The following PMS1 variants were observed in gnomAD, a reference collection of about 807,000 sequenced individuals.
The protein encoded by PMS1 is PMS1 protein homolog 1.
A neutral mutation model predicts 93.1 loss-of-function variants in PMS1; 79 were observed. The ratio of observed to expected loss-of-function variants is 0.85; its 90% CI spans 0.71 to 1.02. The LOEUF is 1.02. Among genes scored for constraint, PMS1 ranks in the 50% least tolerant of loss-of-function variants. The pLI is 0.00. For synonymous variants in PMS1, 335 were observed against 363.4 expected, an observed-to-expected ratio of 0.92 and a Z score of 0.89; for missense variants, 1,064 against 1,085.3, an observed-to-expected ratio of 0.98 and a Z score of 0.28.
intron 10 of PMS1, among the ~76,000 whole-genome samples, chr2:189,867,239 A>G (rs2056745175): frequency 6.6e-6 from 1 of 152,170 alleles, no homozygotes. Flanking sequence ...GTTGATTTGT[A>G]CCCTAGGTGA....
chr2:189,875,320 G>T (rs1410467333), intron 12 of PMS1, among the ~76,000 whole-genome samples: 2 of 151,378 alleles, frequency 1.3e-5, no homozygotes, highest in African/African-American at 4.9e-5. Context: ...ACCACCTGTG[G>T]ATACTAAAAT....
chr2:189,805,754 G>T lies in PMS1; in HGVS notation c.418G>T (p.Gly140Cys). The change falls in exon 4 of 13, where the codon GGT (glycine) becomes TGT (cysteine). Residue 140 changes from glycine (G) to cysteine (C), a missense_variant and splice_region_variant. Transcript: ENST00000441310. ...LSQKPSHLGQGTTVTALRLFK... is the reference protein window; with the variant it reads ...LSQKPSHLGQCTTVTALRLFK... ...TCAGAAACCTTCACATCTTGGTCAA[G>T]GTAAGAAAGTAGCTTTGTATACAAA... The T allele has an allele frequency of 6.2e-7, 1 of 1,613,572 alleles. No homozygotes were observed.
rs1461439163 is a variant in PMS1 at position 189,791,948 on chromosome 2, G to C, written c.132+7G>C. 6.2e-7 allele frequency: 1 copy of C among 1,613,500 alleles called. No homozygotes were observed. Among genetic ancestry groups the C allele is most frequent in the South Asian group, 1.1e-5 (1 of 91,062 alleles). ...AAGCGTAGATGTTAAACTGGTGAGTGTCCTTGAGAACCCAAATACCTTTAA... is the reference window on the plus strand; with the variant it reads ...AAGCGTAGATGTTAAACTGGTGAGTCTCCTTGAGAACCCAAATACCTTTAA... On this transcript the variant is annotated splice_region_variant and intron_variant, in intron 2 of 12. Transcript: ENST00000441310.
Position 189,854,819 on chromosome 2 carries a change from A to G in PMS1, c.1547A>G (p.Lys516Arg), listed in dbSNP as rs1464158457. The G allele has an allele frequency of 1.2e-6, 2 of 1,612,874 alleles. No homozygotes were observed. Among genetic ancestry groups the G allele is most frequent in the Non-Finnish European group, 1.7e-6 (2 of 1,179,096 alleles). Residue 516 changes from lysine to arginine, a missense_variant, in exon 9 of 13, where the codon AAA becomes AGA. By Grantham distance (26) the Lys-to-Arg change is conservative. Coordinates refer to ENST00000441310, the MANE Select transcript of PMS1 (RefSeq NM_000534.5). The part of the protein sequence containing the change: ...NSVGENIEPV[K>R]ILVPEKSLPC... ...GTGGGAGAGAATATTGAACCTGTGA[A>G]AATTTTAGTGCCTGAAAAAAGTTTA... is the stretch of plus-strand genomic sequence containing the variant.
chr2:189,852,728 G>C lies in PMS1; in HGVS notation c.773G>C (p.Ser258Thr), dbSNP rs2106449816. Residue 258 changes from serine (S) to threonine (T), a missense_variant, in exon 7 of 13, where the codon AGT (serine) becomes ACT (threonine). Coordinates refer to ENST00000441310, the MANE Select transcript of PMS1 (RefSeq NM_000534.5). ...SFTSLSTPER[S>T]FIFINSRPVH... ...ACTAGTCTTTCAACACCAGAAAGAA[G>C]TTTCATCTTCATAAACAGTCGACCA... The C allele has an allele frequency of 6.3e-7, 1 of 1,591,854 alleles. No individual in the cohort carries two copies. The highest frequency in any genetic ancestry group is 1.1e-5 in the South Asian group (1 of 90,644).
At chr2:189,873,887 T>C (rs1236521028) in intron 12 of PMS1, among the ~76,000 whole-genome samples, 1 of 152,112 alleles carries the variant, frequency 6.6e-6, no homozygotes, top group Non-Finnish European at 1.5e-5. Context: ...TGTGGAACAA[T>C]TTCCTGAAAC....
chr2:189,864,344 T>C (rs778929786), intron 10 of PMS1, 116 bp downstream of exon 10: 7 of 823,086 alleles, frequency 8.5e-6, no homozygotes, highest in Non-Finnish European at 1.4e-5. Flanking sequence ...GTGGTATTTA[T>C]TTATTTTAAT....
At chr2:189,787,468 A>C (rs1199294781) in intron 1 of PMS1, among the ~76,000 whole-genome samples, 1 of 152,256 alleles carries the variant, frequency 6.6e-6, no homozygotes, top group Non-Finnish European at 1.5e-5. Flanking sequence ...ACAAAGATGT[A>C]GTAGGTTTAA....
intron 6 of PMS1, among the ~76,000 whole-genome samples, chr2:189,845,017 C>A (rs1322545654): frequency 6.6e-6 from 1 of 151,932 alleles, no homozygotes; most frequent in African/African-American, 2.4e-5. Flanking sequence ...GCCACCACAC[C>A]CAGCTAATTT....
At chr2:189,825,644 A>C (rs1317924121) in intron 5 of PMS1, among the ~76,000 whole-genome samples, 1 of 152,132 alleles carries the variant, frequency 6.6e-6, no homozygotes, top group African/African-American at 2.4e-5. Context: ...TGGTTTTAAG[A>C]ATTGTTTTGA....
intron 6 of PMS1, 43 bp downstream of exon 6, chr2:189,844,123 G>A: frequency 6.2e-7 from 1 of 1,610,190 alleles, no homozygotes; most frequent in Non-Finnish European, 8.5e-7. Flanking sequence ...ATTTACTCAT[G>A]AAGCTGTTCA....
At position 189,795,489 on chromosome 2, in the gene PMS1, T is replaced by C. The variant is rs991007542; in HGVS notation, c.133-280T>C. 3.3e-5 allele frequency among the ~76,000 whole-genome samples: 5 copies of C among 152,166 alleles called. No individual in the cohort carries two copies. The East Asian group carries it at 9.6e-4, about 29-fold the overall frequency. ...AAATTTAAACATAAATTATTGTTTA[T>C]TGTAAATACCCATGATAATGAAACA... On this transcript the variant is annotated intron_variant, in intron 2 of 12. Transcript: ENST00000441310.
rs77295675 is a variant in PMS1 at position 189,800,425 on chromosome 2, T to C, written c.315+4474T>C. On this transcript the variant is annotated intron_variant, in intron 3 of 12. Coordinates refer to ENST00000441310, the MANE Select transcript of PMS1 (RefSeq NM_000534.5). ...GAAACTTATATGTGAGGACTGTGAA[T>C]AGTATTTGAGAAAAACAGGAAGTAA... Among the ~76,000 whole-genome samples, 1,160 of 152,266 alleles carry C rather than the reference T, an allele frequency of 7.6e-3. 11 individuals carry two copies. Among genetic ancestry groups the C allele is most frequent in the Middle Eastern group, 0.031 (9 of 294 alleles).
chr2:189,832,803 C>T (rs1162195129), intron 5 of PMS1, among the ~76,000 whole-genome samples: 1 of 152,170 alleles, frequency 6.6e-6, no homozygotes, highest in African/African-American at 2.4e-5. Flanking sequence ...ATTTACCTAA[C>T]TTTAGTGCTG....
intron 1 of PMS1, among the ~76,000 whole-genome samples, chr2:189,790,623 G>A (rs956147494): frequency 6.6e-6 from 1 of 152,136 alleles, no homozygotes; most frequent in Non-Finnish European, 1.5e-5. Context: ...TTTATTCATA[G>A]TACCTACTTT....
At chr2:189,855,734 T>C (rs967375254) in intron 9 of PMS1, 1 of 208,206 alleles carries the variant, frequency 4.8e-6, no homozygotes, top group Non-Finnish European at 1.1e-5. Flanking sequence ...GGTGATTTGA[T>C]CTGTCTTTGA....
At chr2:189,809,454 T>TTTC (rs2050638439) in intron 4 of PMS1, among the ~76,000 whole-genome samples, 2 of 118,774 alleles carry the variant, frequency 1.7e-5, no homozygotes, top group South Asian at 2.4e-4. Flanking sequence ...TTTCTTTTTT[T>TTTC]TTTTTTTTTT....
chr2:189,806,950 A>G, intron 4 of PMS1: 1 of 206,404 alleles, frequency 4.8e-6, no homozygotes, highest in Non-Finnish European at 9.9e-6. Flanking sequence ...ATTCATGTTT[A>G]ATTTTGTGTT....
In PMS1 at chr2:189,795,903, T is replaced by C. The variant is rs753750267; in HGVS notation, c.267T>C (p.Thr89=). ...ATGAAGATCTTGAAAATTTGACAAC[T>C]TACGGTTTTCGTGGAGAAGCCTTGG... ...NSHEDLENLT[T]YGFRGEALGS... The change falls in exon 3 of 13, where the codon ACT becomes ACC. Residue 89 remains threonine, a synonymous_variant. Transcript: ENST00000441310. 6.2e-7 allele frequency: 1 copy of C among 1,613,656 alleles called. No homozygotes were observed. Among genetic ancestry groups the C allele is most frequent in the East Asian group, 2.2e-5 (1 of 44,868 alleles).
Sources: allele counts gnomAD v4.1 joint callset (sites outside exome capture counted in the v4.1 genomes callset), GRCh38; gene constraint gnomAD v4.1.1; transcripts MANE v1.5; gene names NCBI Gene and HGNC (gene_info 2026-07-23, HGNC 2026-07-21).